LARGE1: variants seen among roughly 807,000 people sequenced by gnomAD.
The protein encoded by LARGE1 is LARGE xylosyl- and glucuronyltransferase 1.
In LARGE1, 43 loss-of-function variants were observed where a neutral mutation model predicts 87.6. That is an observed-to-expected ratio of 0.49 (90% CI 0.38 to 0.63). The LOEUF (loss-of-function observed/expected upper bound fraction) is 0.63, where lower values mean the gene tolerates loss of function less well. Among genes scored for constraint, LARGE1 ranks in the 30% least tolerant of loss-of-function variants. The pLI is 0.00. For missense variants in LARGE1, 802 were observed against 1,000.2 expected, an observed-to-expected ratio of 0.80 and a Z score of 2.67; for synonymous variants, 434 against 394.6, an observed-to-expected ratio of 1.10 and a Z score of -1.18.
chr22:33,473,327 C>T (rs1422949214), intron 6 of LARGE1, among the ~76,000 whole-genome samples: 2 of 152,006 alleles, frequency 1.3e-5, no homozygotes, highest in Admixed American at 1.3e-4. Context: ...CACCACCATG[C>T]CCGGGTAGTT....
chr22:33,607,461 C>CAAAA (rs1217376084), intron 4 of LARGE1, among the ~76,000 whole-genome samples: 2,268 of 57,922 alleles, frequency 0.039, 169 homozygotes, highest in Middle Eastern at 0.088. Flanking sequence ...AACTGCATCT[C>CAAAA]AAAAAAAAAA....
chr22:33,201,901 G>A (rs909186166), intron 11 of LARGE1, among the ~76,000 whole-genome samples: 1 of 152,180 alleles, frequency 6.6e-6, no homozygotes, highest in Admixed American at 6.5e-5. Context: ...ACTTTGGGAG[G>A]CCGAGGTGGG....
intron 4 of LARGE1, among the ~76,000 whole-genome samples, chr22:33,616,572 A>G (rs1210805963): frequency 6.6e-6 from 1 of 152,012 alleles, no homozygotes; most frequent in African/African-American, 2.4e-5. Flanking sequence ...TGAAATGGCC[A>G]TCAGCTGATG....
At chr22:33,705,489 C>T in intron 2 of LARGE1, among the ~76,000 whole-genome samples, 1 of 152,270 alleles carries the variant, frequency 6.6e-6, no homozygotes, top group East Asian at 1.9e-4. Flanking sequence ...TACTTCATTC[C>T]AGCATGGAAC....
intron 1 of LARGE1, among the ~76,000 whole-genome samples, chr22:33,911,757 C>T (rs935808576): frequency 2.0e-5 from 3 of 152,170 alleles, no homozygotes; most frequent in Non-Finnish European, 4.4e-5. Context: ...CTCTCCTTGC[C>T]TTTTTACAAA....
At chr22:33,179,567 T>C (rs1346266460) in intron 11 of LARGE1, among the ~76,000 whole-genome samples, 1 of 152,212 alleles carries the variant, frequency 6.6e-6, no homozygotes, top group Non-Finnish European at 1.5e-5. Context: ...AATATTTCTG[T>C]TGTTCTGCCT....
At chr22:33,122,875 C>T in the LARGE1 span, among the ~76,000 whole-genome samples, 34 of 152,252 alleles carry the variant, frequency 2.2e-4, no homozygotes, top group Non-Finnish European at 3.5e-4. Flanking sequence ...CCTGCTGATA[C>T]GGACACAGGT....
chr22:33,725,088 C>T (rs116083360), intron 2 of LARGE1: 2,133 of 153,224 alleles, frequency 0.014, 45 homozygotes, highest in African/African-American at 0.048. Context: ...GTGAGGAGAG[C>T]AGGTGTGTGT....
intron 6 of LARGE1, among the ~76,000 whole-genome samples, chr22:33,440,013 T>C (rs1462134488): frequency 6.6e-6 from 1 of 152,116 alleles, no homozygotes; most frequent in Non-Finnish European, 1.5e-5. Flanking sequence ...CCTCTCTCTC[T>C]CTCCTGGATT....
intron 6 of LARGE1, among the ~76,000 whole-genome samples, chr22:33,517,320 C>T (rs2041319136): frequency 6.6e-6 from 1 of 152,204 alleles, no homozygotes; most frequent in Non-Finnish European, 1.5e-5. Context: ...TAAAGACGCA[C>T]TCTAACCTCT....
At chr22:33,317,487 TTTTC>T (rs1936287236) in intron 10 of LARGE1, among the ~76,000 whole-genome samples, 1 of 152,332 alleles carries the variant, frequency 6.6e-6, no homozygotes, top group African/African-American at 2.4e-5. Context: ...CTTTTTTCTC[TTTTC>T]TTTCTTTGAA....
chr22:33,266,556 G>A (rs544435519), intron 11 of LARGE1, among the ~76,000 whole-genome samples: 1 of 151,742 alleles, frequency 6.6e-6, no homozygotes, highest in African/African-American at 2.4e-5. Context: ...CTGAGCTTCC[G>A]TTTCCTTATC....
At chr22:33,886,315 C>T (rs1384234800) in intron 1 of LARGE1, among the ~76,000 whole-genome samples, 1 of 152,212 alleles carries the variant, frequency 6.6e-6, no homozygotes, top group Non-Finnish European at 1.5e-5. Flanking sequence ...CTAGGGGGCA[C>T]ATTTAGAGAA....
chr22:33,214,062 TC>T (rs1425577030), intron 11 of LARGE1, among the ~76,000 whole-genome samples: 2 of 152,206 alleles, frequency 1.3e-5, no homozygotes, highest in Non-Finnish European at 2.9e-5. Context: ...TTTCCTGACC[TC>T]ATGATCCACC....
At chr22:33,208,135 C>T (rs1184753219) in intron 11 of LARGE1, among the ~76,000 whole-genome samples, 1 of 152,132 alleles carries the variant, frequency 6.6e-6, no homozygotes, top group Non-Finnish European at 1.5e-5. Flanking sequence ...TCCAGTATCA[C>T]CAACACGTCT....
intron 5 of LARGE1, among the ~76,000 whole-genome samples, chr22:33,571,027 G>A (rs1404097909): frequency 6.6e-6 from 1 of 152,120 alleles, no homozygotes; most frequent in Admixed American, 6.5e-5. Context: ...CTATCAACAC[G>A]CCAAAGGGTT....
chr22:33,519,586 C>T (rs927541253), intron 6 of LARGE1, among the ~76,000 whole-genome samples: 13 of 152,004 alleles, frequency 8.6e-5, no homozygotes, highest in African/African-American at 3.1e-4. Flanking sequence ...GAGTTTATTC[C>T]CAAATTGAAA....
At chr22:33,105,391 C>T in the LARGE1 span, 655 of 152,270 alleles carry the variant, frequency 4.3e-3, 6 homozygotes, top group Admixed American at 6.1e-3. Context: ...TATCCTTTTG[C>T]TCTAATTCTC....
At chr22:33,385,109 A>G (rs1457744024) in intron 7 of LARGE1, among the ~76,000 whole-genome samples, 1 of 148,606 alleles carries the variant, frequency 6.7e-6, no homozygotes, top group African/African-American at 2.4e-5. Flanking sequence ...CTCATAAGAA[A>G]CTAATAATAA....
Sources: gnomAD v4.1 joint callset for allele counts (sites outside exome capture counted in the v4.1 genomes callset) on GRCh38, gnomAD v4.1.1 for gene constraint, MANE v1.5 for transcripts, NCBI Gene and HGNC (gene_info 2026-07-23, HGNC 2026-07-21) for gene names.